The following ABRAXAS2 variants were observed in gnomAD, a reference collection of about 807,000 sequenced individuals.
ABRAXAS2 encodes the protein BRISC complex subunit Abraxas 2.
A neutral mutation model predicts 49.0 loss-of-function variants in ABRAXAS2; 23 were observed. The observed-to-expected ratio is 0.47, with a 90% CI of 0.34 to 0.66. The LOEUF is 0.66. Among genes scored for constraint, ABRAXAS2 ranks in the 30% least tolerant of loss-of-function variants. The pLI is 0.01. For synonymous variants in ABRAXAS2, 168 were observed against 180.2 expected (o/e 0.93, Z 0.54); for missense variants, 443 against 511.9 (o/e 0.87, Z 1.30).
chr10:124,813,838 C>T (rs1305073644), intron 2 of ABRAXAS2, among the ~76,000 whole-genome samples: 3 of 152,160 alleles, frequency 2.0e-5, no homozygotes, highest in East Asian at 1.9e-4. Context: ...TCAGAACTTA[C>T]TCCAGGAATT....
At chr10:124,820,373 G>A (rs1413407964) in intron 4 of ABRAXAS2, among the ~76,000 whole-genome samples, 2 of 152,160 alleles carry the variant, frequency 1.3e-5, no homozygotes, top group Non-Finnish European at 2.9e-5. Context: ...ATTTGCCTGG[G>A]AGCAGACATT....
chr10:124,812,896 C>T lies in ABRAXAS2; in HGVS notation c.164-3680C>T, dbSNP rs777304801. On this transcript the variant is annotated intron_variant, in intron 2 of 8. Transcript: ENST00000298492. Reference sequence around the variant, plus strand: ...CCATTACTCTTTGCAATAAGGAAGACTCAATATAGAATATCACATTTTGGG... The same window carrying T: ...CCATTACTCTTTGCAATAAGGAAGATTCAATATAGAATATCACATTTTGGG... 3.9e-5 allele frequency among the ~76,000 whole-genome samples: 6 copies of T among 152,132 alleles called. No individual in the cohort carries two copies. The East Asian group carries it at 5.8e-4, about 15-fold the overall frequency.
intron 1 of ABRAXAS2, 29 bp from the exon 2 acceptor site, chr10:124,806,802 C>T (rs761178710): frequency 7.2e-7 from 1 of 1,391,360 alleles, no homozygotes; most frequent in African/African-American, 1.4e-5. Flanking sequence ...TATTTTTAGT[C>T]TGCAATTATT....
intron 1 of ABRAXAS2, among the ~76,000 whole-genome samples, chr10:124,806,140 A>C (rs1950741260): frequency 6.6e-6 from 1 of 151,870 alleles, no homozygotes; most frequent in South Asian, 2.1e-4. Context: ...CTCTACTAAA[A>C]TACAAAAAAA....
Position 124,834,986 on chromosome 10 carries a change from C to G in ABRAXAS2, c.*15C>G. On this transcript the variant is annotated 3_prime_UTR_variant, in exon 9 of 9. Coordinates refer to ENST00000298492, the MANE Select transcript of ABRAXAS2 (RefSeq NM_032182.4). Reference sequence around the variant, plus strand: ...CCCAGATTTAACTAAACAAAAGAAACTCTCCACCTAGCACTGTTTTTCTTC... The same window carrying G: ...CCCAGATTTAACTAAACAAAAGAAAGTCTCCACCTAGCACTGTTTTTCTTC... 1 of 1,561,624 alleles carries G rather than the reference C, an allele frequency of 6.4e-7. No individual in the cohort carries two copies. The highest frequency in any genetic ancestry group is 8.7e-7 in the Non-Finnish European group (1 of 1,153,114).
At chr10:124,830,933 A>G (rs1950928739) in intron 7 of ABRAXAS2, among the ~76,000 whole-genome samples, 1 of 152,172 alleles carries the variant, frequency 6.6e-6, no homozygotes, top group Non-Finnish European at 1.5e-5. Flanking sequence ...CTTTAAAAAT[A>G]TTTTCTGTTA....
At chr10:124,820,831 A>G (rs905012112) in intron 4 of ABRAXAS2, among the ~76,000 whole-genome samples, 4 of 152,096 alleles carry the variant, frequency 2.6e-5, no homozygotes, top group Admixed American at 1.3e-4. Flanking sequence ...TTCTTTTTGG[A>G]GCAGAATTTT....
chr10:124,826,859 A>G, intron 5 of ABRAXAS2, 74 bp downstream of exon 5: 1 of 1,412,718 alleles, frequency 7.1e-7, no homozygotes. Context: ...TACGCCTGTA[A>G]TCCCAGCACT....
intron 2 of ABRAXAS2, 62 bp from the exon 3 acceptor site, chr10:124,816,514 A>G: frequency 2.5e-6 from 3 of 1,221,852 alleles, no homozygotes; most frequent in Non-Finnish European, 2.4e-6. Context: ...GTCCTGAGCT[A>G]TTTTATAGTT....
rs1470960117 is a variant in ABRAXAS2 at position 124,834,804 on chromosome 10, C to T, written c.1081C>T (p.Pro361Ser). The change falls in exon 9 of 9, where the codon CCC becomes TCC. Residue 361 changes from proline to serine, a missense_variant. Coordinates refer to ENST00000298492, the MANE Select transcript of ABRAXAS2 (RefSeq NM_032182.4). Reference sequence around the variant, plus strand: ...TGGAAGTGGGGCTGACCTTCCTCCTCCCCAAAGAGCAGCTGGAGACAGTGG... The same window carrying T: ...TGGAAGTGGGGCTGACCTTCCTCCTTCCCAAAGAGCAGCTGGAGACAGTGG... ...YPGSGADLPPPQRAAGDSGED... is the reference protein window; with the variant it reads ...YPGSGADLPPSQRAAGDSGED... 3 of 1,614,128 alleles carry T rather than the reference C, an allele frequency of 1.9e-6. No homozygotes were observed. Among genetic ancestry groups the T allele is most frequent in the Admixed American group, 1.7e-5 (1 of 60,004 alleles).
At chr10:124,820,763 C>T (rs1326363758) in intron 4 of ABRAXAS2, among the ~76,000 whole-genome samples, 11 of 151,576 alleles carry the variant, frequency 7.3e-5, no homozygotes, top group Non-Finnish European at 1.3e-4. Context: ...CATGAGCCAC[C>T]GCAGACGGCC....
At chr10:124,824,241 A>G (rs555494518) in intron 4 of ABRAXAS2, among the ~76,000 whole-genome samples, 1 of 152,354 alleles carries the variant, frequency 6.6e-6, no homozygotes, top group South Asian at 2.1e-4. Context: ...TATCAAATCA[A>G]TAAGCTGTTA....
chr10:124,808,632 A>G (rs1950763929), intron 2 of ABRAXAS2, among the ~76,000 whole-genome samples: 1 of 152,178 alleles, frequency 6.6e-6, no homozygotes, highest in South Asian at 2.1e-4. Flanking sequence ...ATAAGAAAGT[A>G]ACAGAGAAAA....
intron 2 of ABRAXAS2, 45 bp from the exon 3 acceptor site, chr10:124,816,531 G>T: frequency 7.2e-7 from 1 of 1,396,740 alleles, no homozygotes. Context: ...AGTTGCCTAT[G>T]TCTTACATGA....
In ABRAXAS2 at chr10:124,830,859, A is replaced by C. The variant is rs373911648; in HGVS notation, c.664-490A>C. Among the ~76,000 whole-genome samples the C allele has an allele frequency of 6.6e-5, 10 of 152,366 alleles. No homozygotes were observed. The East Asian group carries it at 9.6e-4, about 15-fold the overall frequency. On this transcript the variant is annotated intron_variant, in intron 7 of 8. Coordinates refer to ENST00000298492, the MANE Select transcript of ABRAXAS2 (RefSeq NM_032182.4). ...TCAGGATTATAAATAGCTAAATTAC[A>C]CAGATGTAGTCTCAGATAGCTATCT...
intron 1 of ABRAXAS2, 91 bp from the exon 2 acceptor site, chr10:124,806,740 A>C (rs1950747220): frequency 1.4e-5 from 12 of 840,858 alleles, no homozygotes; most frequent in Non-Finnish European, 2.2e-5. Flanking sequence ...TATTGTGAAA[A>C]TTATAAATTT....
intron 5 of ABRAXAS2, 55 bp downstream of exon 5, chr10:124,826,840 G>C: frequency 6.4e-7 from 1 of 1,565,178 alleles, no homozygotes; most frequent in Non-Finnish European, 8.7e-7. Context: ...GGGACCAGGC[G>C]TGGTGGCTTA....
chr10:124,807,358 AAAACGAAAAT>A (rs1950752619), intron 2 of ABRAXAS2, among the ~76,000 whole-genome samples: 2 of 151,494 alleles, frequency 1.3e-5, no homozygotes, highest in South Asian at 4.2e-4. Flanking sequence ...TATGTAGAAA[AAAACGAAAAT>A]AAGGCCGGCC....
chr10:124,811,201 G>C (rs1331468505), intron 2 of ABRAXAS2, among the ~76,000 whole-genome samples: 1 of 151,952 alleles, frequency 6.6e-6, no homozygotes, highest in East Asian at 2.0e-4. Flanking sequence ...GACAGAGCAA[G>C]ACTCCATCTC....
Sources: allele counts gnomAD v4.1 joint callset (sites outside exome capture counted in the v4.1 genomes callset), GRCh38; gene constraint gnomAD v4.1.1; transcripts MANE v1.5; gene names NCBI Gene and HGNC (gene_info 2026-07-23, HGNC 2026-07-21).